MAGI2: variants seen among roughly 807,000 people sequenced by gnomAD.
MAGI2 encodes membrane-associated guanylate kinase, WW and PDZ domain-containing protein 2.
MAGI2 carries 35 observed loss-of-function variants against 133.3 expected under a neutral mutation model. The observed-to-expected ratio is 0.26, with a 90% CI of 0.20 to 0.35. The LOEUF (loss-of-function observed/expected upper bound fraction) is 0.35. MAGI2 is among the 10% of genes least tolerant of loss of function. The pLI, the probability that MAGI2 is intolerant of heterozygous loss-of-function variation, is 1.00. For missense variants in MAGI2, 1,636 were observed against 1,863.4 expected (o/e 0.88, Z 2.25); for synonymous variants, 729 against 710.6 (o/e 1.03, Z -0.41).
At chr7:78,305,516 A>G (rs1798181624) in intron 9 of MAGI2, among the ~76,000 whole-genome samples, 1 of 152,178 alleles carries the variant, frequency 6.6e-6, no homozygotes, top group South Asian at 2.1e-4. Flanking sequence ...AAGATTTACC[A>G]TACTCAATAC....
intron 6 of MAGI2, among the ~76,000 whole-genome samples, chr7:78,394,426 C>T (rs1353813838): frequency 6.6e-6 from 1 of 152,106 alleles, no homozygotes; most frequent in Non-Finnish European, 1.5e-5. Flanking sequence ...CACGTCTTCC[C>T]CAGGGCATGT....
At chr7:79,061,925 T>C (rs1469203116) in intron 1 of MAGI2, among the ~76,000 whole-genome samples, 2 of 152,108 alleles carry the variant, frequency 1.3e-5, no homozygotes, top group Non-Finnish European at 2.9e-5. Context: ...AATCTTCCAT[T>C]TTCTCATCAT....
chr7:78,768,640 G>T (rs1025454196), intron 2 of MAGI2, among the ~76,000 whole-genome samples: 1 of 152,158 alleles, frequency 6.6e-6, no homozygotes, highest in Non-Finnish European at 1.5e-5. Context: ...CTTGTTAAAA[G>T]TATTGTACTC....
At chr7:78,600,592 A>G (rs987562196) in intron 3 of MAGI2, among the ~76,000 whole-genome samples, 2 of 152,194 alleles carry the variant, frequency 1.3e-5, no homozygotes, top group Non-Finnish European at 2.9e-5. Context: ...AAAATTAAGC[A>G]AATAGAAAAA....
intron 2 of MAGI2, among the ~76,000 whole-genome samples, chr7:78,768,101 G>A (rs1239280937): frequency 6.6e-6 from 1 of 152,134 alleles, no homozygotes; most frequent in African/African-American, 2.4e-5. Context: ...CACATTATCT[G>A]GTTTAAATAT....
intron 1 of MAGI2, among the ~76,000 whole-genome samples, chr7:79,151,168 A>T (rs1311070021): frequency 6.6e-6 from 1 of 152,168 alleles, no homozygotes; most frequent in Non-Finnish European, 1.5e-5. Context: ...TCAGGAATAG[A>T]TCATTCAAGA....
chr7:78,760,938 G>A (rs184375368), intron 2 of MAGI2, among the ~76,000 whole-genome samples: 4 of 152,302 alleles, frequency 2.6e-5, no homozygotes, highest in South Asian at 4.1e-4. Context: ...TAGCCACAGC[G>A]TCTGTTTATT....
chr7:78,623,473 G>A (rs1395676281), intron 3 of MAGI2, among the ~76,000 whole-genome samples: 2 of 151,860 alleles, frequency 1.3e-5, no homozygotes, highest in Non-Finnish European at 2.9e-5. Flanking sequence ...GTTTAAGGCA[G>A]CTTTATATTA....
intron 2 of MAGI2, among the ~76,000 whole-genome samples, chr7:78,804,498 C>T (rs1222711955): frequency 6.6e-6 from 1 of 151,378 alleles, no homozygotes; most frequent in Non-Finnish European, 1.5e-5. Flanking sequence ...CCTGTAATCC[C>T]AGCACTTTGG....
intron 1 of MAGI2, among the ~76,000 whole-genome samples, chr7:79,298,473 A>G (rs1775682761): frequency 6.6e-6 from 1 of 152,206 alleles, no homozygotes; most frequent in Non-Finnish European, 1.5e-5. Context: ...ACACAAAAAA[A>G]CCTGCCAGTG....
At chr7:79,162,076 G>T (rs1824423386) in intron 1 of MAGI2, among the ~76,000 whole-genome samples, 1 of 151,708 alleles carries the variant, frequency 6.6e-6, no homozygotes, top group Non-Finnish European at 1.5e-5. Context: ...AGCAGCTCAA[G>T]AAATTGTTTC....
intron 1 of MAGI2, among the ~76,000 whole-genome samples, chr7:79,032,900 G>C (rs1810739838): frequency 7.4e-6 from 1 of 135,750 alleles, no homozygotes; most frequent in Non-Finnish European, 1.6e-5. Context: ...AGAAGGACAG[G>C]CTACAGCTTC....
chr7:79,164,816 G>T (rs746190027), intron 1 of MAGI2, among the ~76,000 whole-genome samples: 1 of 151,904 alleles, frequency 6.6e-6, no homozygotes, highest in African/African-American at 2.4e-5. Context: ...CCTGCACCCC[G>T]ACCATCTTGG....
At chr7:79,112,156 A>G (rs1464538096) in intron 1 of MAGI2, among the ~76,000 whole-genome samples, 2 of 151,930 alleles carry the variant, frequency 1.3e-5, no homozygotes, top group Admixed American at 1.3e-4. Context: ...TTTAGTTGAA[A>G]GGGGCCTCAG....
At chr7:78,291,630 A>C (rs1202865813) in intron 9 of MAGI2, among the ~76,000 whole-genome samples, 1 of 152,162 alleles carries the variant, frequency 6.6e-6, no homozygotes, top group African/African-American at 2.4e-5. Flanking sequence ...ACACAACAGA[A>C]AAAGAGAATT....
intron 2 of MAGI2, among the ~76,000 whole-genome samples, chr7:78,922,999 A>G (rs1354933158): frequency 6.6e-6 from 1 of 152,086 alleles, no homozygotes; most frequent in Non-Finnish European, 1.5e-5. Context: ...TTCTTTTGAG[A>G]AGTGTCTGTT....
chr7:79,335,499 G>A (rs1840377897), intron 1 of MAGI2, among the ~76,000 whole-genome samples: 1 of 152,016 alleles, frequency 6.6e-6, no homozygotes, highest in Non-Finnish European at 1.5e-5. Flanking sequence ...ATGCAGTAAT[G>A]TAAAACTGCA....
chr7:79,364,042 TATCAC>T (rs1842533044), intron 1 of MAGI2, among the ~76,000 whole-genome samples: 1 of 151,940 alleles, frequency 6.6e-6, no homozygotes, highest in African/African-American at 2.4e-5. Context: ...CATCATGAGA[TATCAC>T]CTCACACCGA....
intron 9 of MAGI2, among the ~76,000 whole-genome samples, chr7:78,304,864 G>A (rs933989702): frequency 3.3e-5 from 5 of 152,188 alleles, no homozygotes; most frequent in African/African-American, 7.2e-5. Context: ...AGTATCTCAG[G>A]TGGAGGGAAC....
Sources: allele counts gnomAD v4.1 joint callset (sites outside exome capture counted in the v4.1 genomes callset), GRCh38; gene constraint gnomAD v4.1.1; transcripts MANE v1.5; gene names NCBI Gene and HGNC (gene_info 2026-07-23, HGNC 2026-07-21).